Variants in ADAM28 observed in about 807,000 individuals in gnomAD.
ADAM28 encodes the protein ADAM metallopeptidase domain 28, also known as disintegrin and metalloproteinase domain-containing protein 28.
A neutral mutation model predicts 101.2 loss-of-function variants in ADAM28; 105 were observed. That is an observed-to-expected ratio of 1.04 (90% CI 0.89 to 1.22). The LOEUF (loss-of-function observed/expected upper bound fraction) is 1.22. ADAM28 is among the 50% of genes most tolerant of loss of function. The probability of loss-of-function intolerance (pLI) is 0.00; values close to 1 mark genes in which losing one functional copy is unlikely to be tolerated. For synonymous variants in ADAM28, 322 were observed against 310.6 expected (o/e 1.04, Z -0.39); for missense variants, 1,028 against 945.4 (o/e 1.09, Z -1.15).
chr8:24,330,284 C>T (rs1157458614), intron 11 of ADAM28, among the ~76,000 whole-genome samples, 169 bp downstream of exon 11: 1 of 152,120 alleles, frequency 6.6e-6, no homozygotes, highest in Non-Finnish European at 1.5e-5. Context: ...ATAACTAAGA[C>T]ATAATTTAAA....
intron 4 of ADAM28, among the ~76,000 whole-genome samples, chr8:24,310,865 G>A (rs1214574063): frequency 1.3e-5 from 2 of 152,172 alleles, no homozygotes; most frequent in African/African-American, 4.8e-5. Context: ...ATGTTAAGAA[G>A]GGCATTTTGC....
At chr8:24,306,696 A>G (rs923015465) in intron 2 of ADAM28, among the ~76,000 whole-genome samples, 1 of 152,140 alleles carries the variant, frequency 6.6e-6, no homozygotes, top group African/African-American at 2.4e-5. Flanking sequence ...TGTATAAACA[A>G]AAAAATATTC....
intron 12 of ADAM28, among the ~76,000 whole-genome samples, chr8:24,332,206 T>C (rs1035110065): frequency 6.6e-6 from 1 of 152,184 alleles, no homozygotes; most frequent in Non-Finnish European, 1.5e-5. Flanking sequence ...TAAGACAAAG[T>C]ATTTGCTTCA....
chr8:24,301,172 A>G (rs773793581), intron 2 of ADAM28, among the ~76,000 whole-genome samples: 10 of 152,218 alleles, frequency 6.6e-5, no homozygotes, highest in Non-Finnish European at 1.0e-4. Flanking sequence ...ACGGTTTCCC[A>G]TAGCATTTCT....
At chr8:24,330,807 C>A (rs369448751) in intron 11 of ADAM28, among the ~76,000 whole-genome samples, 1 of 152,128 alleles carries the variant, frequency 6.6e-6, no homozygotes, top group Non-Finnish European at 1.5e-5. Flanking sequence ...AATAGGAATT[C>A]CTCTAAAGGA....
Position 24,358,575 on chromosome 8 carries a change from A to C in ADAM28, c.*4171A>C, listed in dbSNP as rs1160615604. On this transcript the variant is annotated 3_prime_UTR_variant, in exon 23 of 23. Coordinates refer to ENST00000265769, the MANE Select transcript of ADAM28 (RefSeq NM_014265.6). ...TAACAAAATCTGTAGCCACGTTGGC[A>C]CATCTGCCCTTGAATTCACTTTGTC... 3 of 152,220 alleles carry C rather than the reference A, an allele frequency of 2.0e-5. No homozygotes were observed. Among genetic ancestry groups the C allele is most frequent in the Admixed American group, 2.0e-4 (3 of 15,266 alleles). The allele number at this position is 152,220 out of a possible 1,614,324, so 9.4% of individuals were successfully genotyped here. A position where few individuals can be genotyped will look rare whatever the true frequency, so the allele number is the denominator to read the frequency against.
intron 18 of ADAM28, among the ~76,000 whole-genome samples, chr8:24,348,757 C>T (rs1815718840): frequency 6.6e-6 from 1 of 152,158 alleles, no homozygotes; most frequent in South Asian, 2.1e-4. Context: ...CGTTGTTATA[C>T]TTCCATCTGT....
At position 24,332,685 on chromosome 8, in the gene ADAM28, C is replaced by T; in HGVS notation, c.1307C>T (p.Ala436Val). The T allele has an allele frequency of 2.6e-6, 4 of 1,524,262 alleles. No homozygotes were observed. The highest frequency in any genetic ancestry group is 2.7e-6 in the Non-Finnish European group (3 of 1,128,084). The allele number at this position is 1,524,262 out of a possible 1,614,324, so 94.4% of individuals were successfully genotyped here. A position where few individuals can be genotyped will look rare whatever the true frequency, so the allele number is the denominator to read the frequency against. The change falls in exon 13 of 23, where the codon GCT becomes GTT. Residue 436 changes from alanine to valine, a missense_variant. Coordinates refer to ENST00000265769, the MANE Select transcript of ADAM28 (RefSeq NM_014265.6). ...GAATGTACCAATATTTGCTGTGATG[C>T]TAAGACATGTAAAATCAAAGCAACT... ...SEECTNICCD[A>V]KTCKIKATFQ...
At chr8:24,327,348 C>T (rs1168553419) in intron 10 of ADAM28, among the ~76,000 whole-genome samples, 1 of 152,068 alleles carries the variant, frequency 6.6e-6, no homozygotes, top group Non-Finnish European at 1.5e-5. Flanking sequence ...TGAAGGACCT[C>T]TTCAAGGAGA....
At chr8:24,297,159 G>GTTTT (rs201347512) in intron 1 of ADAM28, among the ~76,000 whole-genome samples, 2,085 of 144,594 alleles carry the variant, frequency 0.014, 23 homozygotes, top group Admixed American at 0.024. Context: ...AATGTTGTGG[G>GTTTT]TTTTTTTTTG....
rs1225430617 is a variant in ADAM28, at chr8:24,313,465, C to T, written c.461C>T (p.Ala154Val). 7.4e-6 allele frequency: 12 copies of T among 1,613,884 alleles called. No homozygotes were observed. Among genetic ancestry groups the T allele is most frequent in the Admixed American group, 3.3e-5 (2 of 59,956 alleles). The change falls in exon 6 of 23, where the codon GCA (alanine) becomes GTA (valine). Residue 154 changes from alanine to valine, a missense_variant. Ala to Val is a moderately conservative substitution (Grantham distance 64, BLOSUM62 0). Transcript: ENST00000265769. ...SPIHRDGQEH[A>V]LFKYNPDEKN... ...ATACATCGGGATGGACAGGAGCATG[C>T]ACTCTTCAAGTATAACCCTGATGAA... is the stretch of plus-strand genomic sequence containing the variant.
chr8:24,341,722 A>G lies in ADAM28; in HGVS notation c.1795A>G (p.Met599Val). 6.2e-7 allele frequency: 1 copy of G among 1,613,900 alleles called. No individual in the cohort carries two copies. Among genetic ancestry groups the G allele is most frequent in the East Asian group, 2.2e-5 (1 of 44,872 alleles). ...TGAAGACACAAGTCAAGAAATAGGC[A>G]TGGTGGCCAATGGAACTAAGTGTGG... Reference protein sequence around the residue: ...DPEDTSQEIGMVANGTKCGDN... With the variant: ...DPEDTSQEIGVVANGTKCGDN... The change falls in exon 16 of 23, where the codon ATG becomes GTG. Residue 599 changes from methionine to valine, a missense_variant. Physicochemically the swap from Met to Val is conservative, Grantham distance 21. Transcript: ENST00000265769.
At chr8:24,309,530 A>G (rs1042301665) in intron 2 of ADAM28, among the ~76,000 whole-genome samples, 1 of 152,124 alleles carries the variant, frequency 6.6e-6, no homozygotes, top group African/African-American at 2.4e-5. Flanking sequence ...AACTCACCTC[A>G]TTGTCTGTCT....
intron 6 of ADAM28, among the ~76,000 whole-genome samples, chr8:24,317,669 G>C (rs560262152): frequency 6.6e-6 from 1 of 151,968 alleles, no homozygotes; most frequent in African/African-American, 2.4e-5. Context: ...GGTTATAAAA[G>C]TAAAATGTAA....
Position 24,357,208 on chromosome 8 carries a change from C to T in ADAM28, c.*2804C>T, listed in dbSNP as rs553076277. ...GTAGAGGATGCAGCTAAATTTTGTC[C>T]AGATTACACACCCACAGAAACTGTA... On this transcript the variant is annotated 3_prime_UTR_variant, in exon 23 of 23. Coordinates refer to ENST00000265769, the MANE Select transcript of ADAM28 (RefSeq NM_014265.6). 6.6e-6 allele frequency: 1 copy of T among 152,162 alleles called. No homozygotes were observed. Among genetic ancestry groups the T allele is most frequent in the South Asian group, 2.1e-4 (1 of 4,804 alleles). 9.4% of individuals were successfully genotyped at this position (152,162 alleles called of 1,614,324 possible).
chr8:24,306,561 G>A (rs776802043), intron 2 of ADAM28, among the ~76,000 whole-genome samples: 2 of 151,512 alleles, frequency 1.3e-5, no homozygotes, highest in Admixed American at 6.6e-5. Flanking sequence ...GTGCAGGATT[G>A]TCACATTTAG....
At chr8:24,316,104 G>C (rs1811128642) in intron 6 of ADAM28, among the ~76,000 whole-genome samples, 1 of 150,208 alleles carries the variant, frequency 6.7e-6, no homozygotes, top group African/African-American at 2.5e-5. Flanking sequence ...ATATTTTTTA[G>C]CAGTCAAATA....
intron 6 of ADAM28, among the ~76,000 whole-genome samples, chr8:24,318,246 C>G (rs996833712): frequency 6.6e-5 from 10 of 152,108 alleles, no homozygotes; most frequent in Non-Finnish European, 1.3e-4. Flanking sequence ...CCCTCTGTTT[C>G]CATTCCTTGG....
Position 24,313,383 on chromosome 8 carries a change from T to C in ADAM28, c.384-5T>C. The C allele has an allele frequency of 6.2e-7, 1 of 1,602,160 alleles. No individual in the cohort carries two copies. The highest frequency in any genetic ancestry group is 1.7e-5 in the Admixed American group (1 of 57,844). The stretch of plus-strand genomic sequence containing the variant: ...TAAGAAGCCAGAACTCTCATGTTTT[T>C]TCAGGGGCTACTTCAGTCAGGGGGA... On this transcript the variant is annotated splice_region_variant and splice_polypyrimidine_tract_variant and intron_variant, in intron 5 of 22. Coordinates refer to ENST00000265769, the MANE Select transcript of ADAM28 (RefSeq NM_014265.6).
Sources: allele counts gnomAD v4.1 joint callset (sites outside exome capture counted in the v4.1 genomes callset), GRCh38; gene constraint gnomAD v4.1.1; transcripts MANE v1.5; gene names NCBI Gene and HGNC (gene_info 2026-07-23, HGNC 2026-07-21).